The following MVK variants were observed in gnomAD, a reference collection of about 807,000 sequenced individuals.
The protein encoded by MVK is mevalonate kinase.
MVK carries 34 observed loss-of-function variants against 43.2 expected under a neutral mutation model. That is an observed-to-expected ratio of 0.79 (90% CI 0.60 to 1.05). The LOEUF (loss-of-function observed/expected upper bound fraction) is 1.05, where lower values mean the gene tolerates loss of function less well. MVK is among the 50% of genes least tolerant of loss of function. MVK has a pLI of 0.00. For synonymous variants in MVK, 190 were observed against 219.8 expected, an observed-to-expected ratio of 0.86 and a Z score of 1.20; for missense variants, 395 against 504.0, an observed-to-expected ratio of 0.78 and a Z score of 2.07.
At position 109,595,331 on chromosome 12, in the gene MVK, C is replaced by T. The variant is rs189565407; in HGVS notation, c.1039+150C>T. ...CAAGTTAGTTAACCTCTGGTCTTTGCTTCCTCATTGGTAAAATAAGGATGA... is the reference window on the plus strand; with the variant it reads ...CAAGTTAGTTAACCTCTGGTCTTTGTTTCCTCATTGGTAAAATAAGGATGA... On this transcript the variant is annotated intron_variant, in intron 10 of 10. Transcript: ENST00000228510. The surrounding 1 kb of genome is among the most constrained non-coding windows in gnomAD (Gnocchi z 5.9). 80 of 983,088 alleles carry T rather than the reference C, an allele frequency of 8.1e-5. No individual in the cohort carries two copies. In the East Asian group the frequency reaches 2.0e-3, roughly 24 times the overall value. The allele number at this position is 983,088 out of a possible 1,614,324, so 60.9% of individuals were successfully genotyped here.
At position 109,596,322 on chromosome 12, in the gene MVK, C is replaced by A; in HGVS notation, c.1040-104C>A. On this transcript the variant is annotated intron_variant, in intron 10 of 10. Transcript: ENST00000228510. ...GCCTGTTGGCTCAGGTGGGTCACAG[C>A]CAGGAAGGCACAGCAGGAAGGCCTG... 3 of 1,506,698 alleles carry A rather than the reference C, an allele frequency of 2.0e-6. No homozygotes were observed. In the Admixed American group the frequency reaches 5.9e-5, roughly 30 times the overall value. 93.3% of individuals were successfully genotyped at this position (1,506,698 alleles called of 1,614,324 possible).
In MVK at chr12:109,597,533, C is replaced by A. The variant is rs1885972867; in HGVS notation, c.*956C>A. Reference sequence around the variant, plus strand: ...TCACAAGCACCCACGAGAGCACAGACCTGTGTAAGACAGGAAAGCAGAACC... The same window carrying A: ...TCACAAGCACCCACGAGAGCACAGAACTGTGTAAGACAGGAAAGCAGAACC... On this transcript the variant is annotated 3_prime_UTR_variant, in exon 11 of 11. Coordinates refer to ENST00000228510, the MANE Select transcript of MVK (RefSeq NM_000431.4). The A allele has an allele frequency of 6.6e-6, 1 of 152,278 alleles. No individual in the cohort carries two copies. The highest frequency in any genetic ancestry group is 6.5e-5 in the Admixed American group (1 of 15,278). The allele number at this position is 152,278 out of a possible 1,614,324, so 9.4% of individuals were successfully genotyped here.
intron 7 of MVK, among the ~76,000 whole-genome samples, chr12:109,587,502 G>C (rs149046553): frequency 6.6e-6 from 1 of 152,362 alleles, no homozygotes; most frequent in African/African-American, 2.4e-5. Context: ...ACGCATGGCA[G>C]AGGGGAGCCA....
chr12:109,585,285 T>C (rs528793495), intron 5 of MVK, among the ~76,000 whole-genome samples: 243 of 152,288 alleles, frequency 1.6e-3, no homozygotes, highest in African/African-American at 5.6e-3. Context: ...CTGCCCGTTC[T>C]TCTTAAAGGC....
chr12:109,579,319 C>A, intron 3 of MVK: 1 of 370,158 alleles, frequency 2.7e-6, no homozygotes, highest in Non-Finnish European at 5.4e-6. Context: ...TTTGTACTTT[C>A]TGTAGAGTTG....
chr12:109,590,239 T>A (rs996153509), intron 7 of MVK: 9 of 206,422 alleles, frequency 4.4e-5, no homozygotes, highest in African/African-American at 2.1e-4. Context: ...AACTCCAGCT[T>A]CGTGGGGGTG....
intron 9 of MVK, 31 bp downstream of exon 9, chr12:109,591,388 C>T (rs1885676979): frequency 1.3e-6 from 2 of 1,590,500 alleles, no homozygotes; most frequent in African/African-American, 2.7e-5. Flanking sequence ...ACCGGGGTTA[C>T]TGAGTCCACA....
upstream of MVK, chr12:109,573,472 C>A (rs769930958): frequency 6.2e-7 from 1 of 1,604,534 alleles, no homozygotes; most frequent in South Asian, 1.1e-5. Context: ...CCAGGCCGCA[C>A]ACAGCCATGA....
intron 5 of MVK, among the ~76,000 whole-genome samples, chr12:109,585,797 G>A (rs1039983240): frequency 2.6e-5 from 4 of 152,292 alleles, no homozygotes; most frequent in South Asian, 2.1e-4. Flanking sequence ...GTAGGACCAC[G>A]GGAGTCCAAA....
At position 109,582,487 on chromosome 12, in the gene MVK, G is replaced by T. The variant is rs577419423; in HGVS notation, c.527+937G>T. On this transcript the variant is annotated intron_variant, in intron 5 of 10. Coordinates refer to ENST00000228510, the MANE Select transcript of MVK (RefSeq NM_000431.4). ...GGCCCTGTCTTTCAAAAGGTGGAGG[G>T]TGACTGTGTGTGTGCACTTGCATGT... Among the ~76,000 whole-genome samples the T allele has an allele frequency of 2.3e-3, 348 of 152,246 alleles. 1 individual carries two copies. Among genetic ancestry groups the T allele is most frequent in the African/African-American group, 8.3e-3 (344 of 41,514 alleles).
At position 109,586,068 on chromosome 12, in the gene MVK, G is replaced by A. The variant is rs771737293; in HGVS notation, c.574G>A (p.Gly192Arg). ...LELINKWAFQ[G>R]ERMIHGNPSG... is the part of the protein sequence containing the mutation. ...GCTAATTAACAAGTGGGCCTTCCAA[G>A]GGGAGAGAATGATTCACGGGAACCC... Residue 192 changes from glycine (G) to arginine (R), a missense_variant, in exon 6 of 11, where the codon GGG becomes AGG. Transcript: ENST00000228510. 1 of 1,614,230 alleles carries A rather than the reference G, an allele frequency of 6.2e-7. No homozygotes were observed. Among genetic ancestry groups the A allele is most frequent in the South Asian group, 1.1e-5 (1 of 91,086 alleles).
chr12:109,582,188 C>T (rs988118508), intron 5 of MVK, among the ~76,000 whole-genome samples: 6 of 152,196 alleles, frequency 3.9e-5, no homozygotes, highest in Admixed American at 2.0e-4. Flanking sequence ...GAGAAACCAC[C>T]CAGTGCGCAG....
At position 109,576,287 on chromosome 12, in the gene MVK, A is replaced by G. The variant is rs919339661; in HGVS notation, c.226+142A>G. ...ACCCTGACCTCATAAAATTAGCTTC[A>G]CTCATTTTATTTTTTTAAAATTTAT... On this transcript the variant is annotated intron_variant, in intron 3 of 10. Transcript: ENST00000228510. The G allele has an allele frequency of 2.1e-5, 22 of 1,052,816 alleles. No homozygotes were observed. The Admixed American group carries it at 4.8e-4, about 23-fold the overall frequency. The allele number at this position is 1,052,816 out of a possible 1,614,324, so 65.2% of individuals were successfully genotyped here.
intron 3 of MVK, among the ~76,000 whole-genome samples, chr12:109,577,395 C>T (rs186903020): frequency 3.7e-4 from 56 of 152,264 alleles, no homozygotes; most frequent in Non-Finnish European, 6.8e-4. Flanking sequence ...TGCACCTGAA[C>T]CCTTGACACC....
At chr12:109,574,607 A>T (rs1244946952) in intron 1 of MVK, among the ~76,000 whole-genome samples, 1 of 152,164 alleles carries the variant, frequency 6.6e-6, no homozygotes, top group Non-Finnish European at 1.5e-5. Context: ...ATCACTGGGG[A>T]GTGGAAGAGC....
rs1361429335 is a variant in MVK, at chr12:109,585,916, G to C, written c.528-106G>C. On this transcript the variant is annotated intron_variant, in intron 5 of 10. Transcript: ENST00000228510. ...GTGGACTTGTTCTTTCTGAGCTCAA[G>C]GGCCCAAGCTCCTATGCCCCTTGGC... 6 of 863,078 alleles carry C rather than the reference G, an allele frequency of 7.0e-6. No homozygotes were observed. The Admixed American group carries it at 9.2e-5, about 13-fold the overall frequency. 53.5% of individuals were successfully genotyped at this position (863,078 alleles called of 1,614,324 possible).
At chr12:109,594,454 A>C (rs1249539823) in intron 9 of MVK, among the ~76,000 whole-genome samples, 1 of 152,170 alleles carries the variant, frequency 6.6e-6, no homozygotes, top group Non-Finnish European at 1.5e-5. Flanking sequence ...GTTATTTGAA[A>C]CTTTTTCTCT....
intron 9 of MVK, among the ~76,000 whole-genome samples, chr12:109,592,821 G>A (rs981710414): frequency 2.6e-5 from 4 of 152,072 alleles, no homozygotes; most frequent in African/African-American, 7.2e-5. Flanking sequence ...CCTGTGTTTC[G>A]GCCCTCATTC....
chr12:109,582,857 C>T (rs1351582465), intron 5 of MVK, among the ~76,000 whole-genome samples: 2 of 152,138 alleles, frequency 1.3e-5, no homozygotes, highest in Admixed American at 1.3e-4. Context: ...GAAGGGCCAG[C>T]CAGCTCTGGT....
Sources: gnomAD v4.1 joint callset for allele counts (sites outside exome capture counted in the v4.1 genomes callset) on GRCh38, gnomAD v4.1.1 for gene constraint, Gnocchi (gnomAD v3.1) non-coding constraint, MANE v1.5 for transcripts, NCBI Gene and HGNC (gene_info 2026-07-23, HGNC 2026-07-21) for gene names.